HDAC9: variants seen among roughly 807,000 people sequenced by gnomAD.
The protein encoded by HDAC9 is MEF-2 interacting transcription repressor (MITR) protein.
Under a neutral mutation model 139.4 loss-of-function variants are expected in HDAC9, and 41 were observed. The ratio of observed to expected loss-of-function variants is 0.29; its 90% CI spans 0.23 to 0.38. The LOEUF is 0.38. Among genes scored for constraint, HDAC9 ranks in the 10% least tolerant of loss-of-function variants. The probability of loss-of-function intolerance (pLI) is 1.00; values close to 1 mark genes in which losing one functional copy is unlikely to be tolerated. For synonymous variants in HDAC9, 517 were observed against 476.2 expected (o/e 1.09, Z -1.12); for missense variants, 1,147 against 1,297.0 (o/e 0.88, Z 1.78).
chr7:18,286,403 ATAT>A (rs1189102254), upstream of HDAC9, among the ~76,000 whole-genome samples: 61 of 148,828 alleles, frequency 4.1e-4, no homozygotes, highest in South Asian at 2.1e-3. Context: ...TATTTATATA[ATAT>A]TATATAATAT....
At chr7:18,129,153 G>A (rs1251169121) in intron 1 of HDAC9, among the ~76,000 whole-genome samples, 2 of 152,104 alleles carry the variant, frequency 1.3e-5, no homozygotes, top group Non-Finnish European at 2.9e-5. Flanking sequence ...GGCTATTGAA[G>A]AAGTCACTGA....
intron 16 of HDAC9, among the ~76,000 whole-genome samples, chr7:18,768,582 C>T (rs922361653): frequency 6.6e-6 from 1 of 152,144 alleles, no homozygotes; most frequent in African/African-American, 2.4e-5. Flanking sequence ...AAATGGGTTT[C>T]ATTGGCTTTG....
At chr7:18,208,859 A>C (rs1323581544) in intron 2 of HDAC9, among the ~76,000 whole-genome samples, 1 of 152,236 alleles carries the variant, frequency 6.6e-6, no homozygotes, top group Non-Finnish European at 1.5e-5. Flanking sequence ...GTGGCTCATA[A>C]GTCTAAGAGT....
intron 1 of HDAC9, among the ~76,000 whole-genome samples, chr7:18,437,283 A>G (rs903763797): frequency 1.2e-4 from 19 of 152,094 alleles, no homozygotes; most frequent in Admixed American, 7.2e-4. Flanking sequence ...CAAAAATATC[A>G]TATGGCTTTT....
intron 12 of HDAC9, among the ~76,000 whole-genome samples, chr7:18,696,454 C>T (rs562117974): frequency 5.4e-5 from 8 of 147,656 alleles, no homozygotes; most frequent in South Asian, 2.1e-4. Context: ...TAATGATCTG[C>T]GGTTGCTTTT....
intron 2 of HDAC9, among the ~76,000 whole-genome samples, chr7:18,209,188 A>G (rs920418387): frequency 2.0e-5 from 3 of 152,200 alleles, no homozygotes; most frequent in African/African-American, 7.2e-5. Context: ...TTCTGATTCA[A>G]CAAAACTTTA....
intron 12 of HDAC9, among the ~76,000 whole-genome samples, chr7:18,717,519 C>T (rs776015406): frequency 4.0e-5 from 6 of 151,562 alleles, no homozygotes; most frequent in East Asian, 1.9e-4. Flanking sequence ...GCAACCTCCG[C>T]CCCCCAGGTT....
At chr7:18,281,994 A>G (rs1169322720) in intron 2 of HDAC9, among the ~76,000 whole-genome samples, 1 of 152,174 alleles carries the variant, frequency 6.6e-6, no homozygotes, top group East Asian at 1.9e-4. Context: ...TTCTTGACTC[A>G]ATAGGATTAT....
chr7:18,458,803 G>T (rs1035052346), intron 1 of HDAC9: 4 of 1,423,116 alleles, frequency 2.8e-6, no homozygotes, highest in Non-Finnish European at 3.8e-6. Flanking sequence ...TCCCATGGAG[G>T]GTCCTTCCTT....
Position 18,600,278 on chromosome 7 carries a change from C to T in HDAC9, c.664+6249C>T, listed in dbSNP as rs573423171. The stretch of plus-strand genomic sequence containing the variant: ...TTTTAATTCTTGTATCATTGTCTTT[C>T]ACAGAACAGAAGATTCTAATTTTAT... On this transcript the variant is annotated intron_variant, in intron 6 of 25. Coordinates refer to ENST00000686413, the MANE Select transcript of HDAC9 (RefSeq NM_178425.4). 1.2e-3 allele frequency among the ~76,000 whole-genome samples: 183 copies of T among 152,142 alleles called. 1 individual carries two copies. The highest frequency in any genetic ancestry group is 2.3e-3 in the Non-Finnish European group (155 of 67,980).
chr7:18,340,187 C>G (rs1781896690), intron 1 of HDAC9, among the ~76,000 whole-genome samples: 1 of 151,482 alleles, frequency 6.6e-6, no homozygotes, highest in African/African-American at 2.4e-5. Flanking sequence ...AACTATATGT[C>G]TTAAACTTTC....
rs1160481620 is a variant in HDAC9, at chr7:18,224,183, G to C, written c.25+61834G>C. Among the ~76,000 whole-genome samples the C allele has an allele frequency of 5.9e-5, 9 of 152,100 alleles. 1 individual carries two copies. Among genetic ancestry groups the C allele is most frequent in the African/African-American group, 2.2e-4 (9 of 41,416 alleles). On this transcript the variant is annotated intron_variant, in intron 2 of 12. Coordinates refer to the HDAC9 transcript ENST00000417496. ...AGTGGGTACATGTTAAATCATTACT[G>C]TTTATGAAGTCAGTGTCCATTTTTA... is the stretch of plus-strand genomic sequence containing the variant.
Position 18,407,839 on chromosome 7 carries a change from T to C in HDAC9, c.-41-88423T>C, listed in dbSNP as rs542890028. Among the ~76,000 whole-genome samples the C allele has an allele frequency of 1.1e-4, 16 of 152,278 alleles. No individual in the cohort carries two copies. The South Asian group carries it at 3.3e-3, about 32-fold the overall frequency. On this transcript the variant is annotated intron_variant, in intron 1 of 3. Transcript: ENST00000413509. ...TTGTGTTTCCTTTGGTCTAGATATA[T>C]AAGTTCTGCAGAAAATGTCTTTCAG... is the stretch of plus-strand genomic sequence containing the variant.
chr7:18,338,416 C>G (rs951831129), intron 1 of HDAC9, among the ~76,000 whole-genome samples: 21 of 151,580 alleles, frequency 1.4e-4, no homozygotes, highest in Non-Finnish European at 1.3e-4. Flanking sequence ...GGATTAGGCT[C>G]AAGGTACGTA....
intron 22 of HDAC9, among the ~76,000 whole-genome samples, chr7:18,895,106 A>G (rs1260779513): frequency 6.6e-6 from 1 of 152,148 alleles, no homozygotes; most frequent in East Asian, 1.9e-4. Flanking sequence ...ACTAGCGGAA[A>G]ATAGCTTAGA....
intron 2 of HDAC9, among the ~76,000 whole-genome samples, chr7:18,215,011 A>AG (rs201619708): frequency 1.3e-5 from 2 of 151,798 alleles, no homozygotes; most frequent in African/African-American, 4.8e-5. Flanking sequence ...CTTAAGTACT[A>AG]TGGTATGATA....
At chr7:18,769,662 G>C (rs1432264787) in intron 16 of HDAC9, among the ~76,000 whole-genome samples, 1 of 152,070 alleles carries the variant, frequency 6.6e-6, no homozygotes, top group Non-Finnish European at 1.5e-5. Context: ...CCTTTCAAAA[G>C]TCTTCTTGCC....
intron 2 of HDAC9, among the ~76,000 whole-genome samples, chr7:18,525,793 G>A (rs1563149728): frequency 6.6e-6 from 1 of 152,068 alleles, no homozygotes; most frequent in Non-Finnish European, 1.5e-5. Flanking sequence ...CTGTTCCCTG[G>A]AACTTAGATC....
At chr7:18,302,893 A>G (rs563087269) in intron 1 of HDAC9, among the ~76,000 whole-genome samples, 3 of 152,254 alleles carry the variant, frequency 2.0e-5, no homozygotes, top group African/African-American at 7.2e-5. Flanking sequence ...GAGTTCTTTA[A>G]CTGGTTGAAT....
Sources: gnomAD v4.1 joint callset for allele counts (sites outside exome capture counted in the v4.1 genomes callset) on GRCh38, gnomAD v4.1.1 for gene constraint, MANE v1.5 for transcripts, NCBI Gene and HGNC (gene_info 2026-07-23, HGNC 2026-07-21) for gene names.